The following LIMS2 variants were observed in gnomAD, a reference collection of about 807,000 sequenced individuals.
LIMS2 encodes LIM and senescent cell antigen-like-containing domain protein 2.
A neutral mutation model predicts 45.3 loss-of-function variants in LIMS2; 30 were observed. That is an observed-to-expected ratio of 0.66 (90% CI 0.50 to 0.90). LIMS2 has a LOEUF of 0.90. Among genes scored for constraint, LIMS2 ranks in the 40% least tolerant of loss-of-function variants. The pLI, the probability that LIMS2 is intolerant of heterozygous loss-of-function variation, is 0.00. For missense variants in LIMS2, 485 were observed against 468.7 expected (o/e 1.03, Z -0.32); for synonymous variants, 173 against 188.0 (o/e 0.92, Z 0.65).
chr2:127,658,392 AAAAT>A (rs1684400222), intron 1 of LIMS2, among the ~76,000 whole-genome samples: 2 of 152,218 alleles, frequency 1.3e-5, no homozygotes, highest in South Asian at 2.1e-4. Context: ...CTCAAAATAA[AAAAT>A]AAATAAAAAA....
At position 127,648,497 on chromosome 2, in the gene LIMS2, A is replaced by G. The variant is rs534662224; in HGVS notation, c.360-5425T>C. On this transcript the variant is annotated intron_variant, in intron 4 of 9. Transcript: ENST00000355119. Reference sequence around the variant, plus strand: ...CCACCACCATGCCTGCTTCTCCTCCATATGAGGATGGCTCCAGCCTCCTCC... The same window carrying G: ...CCACCACCATGCCTGCTTCTCCTCCGTATGAGGATGGCTCCAGCCTCCTCC... Among the ~76,000 whole-genome samples the G allele has an allele frequency of 2.4e-4, 37 of 152,130 alleles. No individual in the cohort carries two copies. In the South Asian group the frequency reaches 5.0e-3, roughly 20 times the overall value.
At chr2:127,659,198 A>C (rs1262602785) in intron 1 of LIMS2, among the ~76,000 whole-genome samples, 1 of 152,202 alleles carries the variant, frequency 6.6e-6, no homozygotes, top group Non-Finnish European at 1.5e-5. Flanking sequence ...CCCATGTGGC[A>C]GAGGCTGTCT....
chr2:127,651,358 C>T (rs755635107), intron 4 of LIMS2: 20 of 1,612,184 alleles, frequency 1.2e-5, no homozygotes, highest in Admixed American at 1.7e-5. Flanking sequence ...TTCATCACCA[C>T]GGTCACCTGC....
At chr2:127,650,705 G>A (rs1159283233) in intron 4 of LIMS2, 2 of 1,586,052 alleles carry the variant, frequency 1.3e-6, no homozygotes, top group African/African-American at 2.7e-5. Context: ...CTGTTTGCTT[G>A]TTCCCTCCAG....
At chr2:127,651,421 T>TCAAGAC in intron 4 of LIMS2, 1 of 1,612,930 alleles carries the variant, frequency 6.2e-7, no homozygotes, top group Non-Finnish European at 8.5e-7. Flanking sequence ...GAGAAGCGCC[T>TCAAGAC]CAAGACCAAG....
In LIMS2 at chr2:127,639,030, T is replaced by C; in HGVS notation, c.*251A>G. On this transcript the variant is annotated 3_prime_UTR_variant, in exon 10 of 10. Transcript: ENST00000355119. ...CGGAAGCTGTGGGCACAGGTGGACA[T>C]GGCTGTCAGACGTGGGGTCATAGGC... The C allele has an allele frequency of 2.0e-6, 1 of 509,920 alleles. No homozygotes were observed. Among genetic ancestry groups the C allele is most frequent in the Non-Finnish European group, 3.5e-6 (1 of 285,310 alleles). The allele number at this position is 509,920 out of a possible 1,614,324, so 31.6% of individuals were successfully genotyped here. A position where few individuals can be genotyped will look rare whatever the true frequency, so the allele number is the denominator to read the frequency against.
chr2:127,642,474 C>A lies in LIMS2; in HGVS notation c.510-275G>T. Reference sequence around the variant, plus strand: ...TCTGTTCTTGGGCCCCCCTCCTCCTCCAAACCAGAGGGGGTGTCTGGATAG... The same window carrying A: ...TCTGTTCTTGGGCCCCCCTCCTCCTACAAACCAGAGGGGGTGTCTGGATAG... On this transcript the variant is annotated intron_variant, in intron 5 of 9. Transcript: ENST00000355119. This position sits in a 1 kb window ranked among gnomAD's most constrained non-coding sequence, Gnocchi z 5.3. 1 of 411,514 alleles carries A rather than the reference C, an allele frequency of 2.4e-6. No homozygotes were observed. The highest frequency in any genetic ancestry group is 5.8e-5 in the South Asian group (1 of 17,332). The allele number at this position is 411,514 out of a possible 1,614,324, so 25.5% of individuals were successfully genotyped here.
At chr2:127,660,889 T>G (rs1684596917) in intron 1 of LIMS2, among the ~76,000 whole-genome samples, 1 of 117,698 alleles carries the variant, frequency 8.5e-6, no homozygotes, top group Non-Finnish European at 1.6e-5. Flanking sequence ...TTGCTGCCTG[T>G]GGCCGACAGT....
chr2:127,674,846 G>T (rs2105349606), intron 1 of LIMS2, 168 bp downstream of exon 1: 1 of 985,088 alleles, frequency 1.0e-6, no homozygotes, highest in South Asian at 4.7e-5. Flanking sequence ...GGGGCTGGGG[G>T]ACCCCTGCCC....
At position 127,666,380 on chromosome 2, in the gene LIMS2, T is replaced by TAAAC. The variant is rs1008243100; in HGVS notation, c.11+8630_11+8633dup. Among the ~76,000 whole-genome samples, 28 of 143,242 alleles carry TAAAC rather than the reference T, an allele frequency of 2.0e-4. No homozygotes were observed. The East Asian group carries it at 2.1e-3, about 11-fold the overall frequency. The allele number at this position is 143,242 out of a possible 152,430, so 94.0% of individuals were successfully genotyped here. A position where few individuals can be genotyped will look rare whatever the true frequency, so the allele number is the denominator to read the frequency against. The stretch of plus-strand genomic sequence containing the variant: ...GTCAAGAAAAACAGATGAATCTTGG[T>TAAAC]AAACAAACAAACAAACACAAACCAG... On this transcript the variant is annotated intron_variant, in intron 1 of 9. Transcript: ENST00000355119.
At position 127,639,282 on chromosome 2, in the gene LIMS2, C is replaced by T. The variant is rs754474123; in HGVS notation, c.1025G>A (p.Ter342=). The T allele has an allele frequency of 2.0e-5, 32 of 1,613,268 alleles. No individual in the cohort carries two copies. The South Asian group carries it at 3.5e-4, about 18-fold the overall frequency. The change falls in exon 10 of 10, where the codon TGA becomes TAA. Residue 342 remains the stop codon, a stop_retained_variant. Transcript: ENST00000355119. ...QPKATDLNSA[*] is the part of the protein sequence containing the mutation. The stretch of plus-strand genomic sequence containing the variant: ...AGAGGCAGCTGCGCAAGAGGGCCTT[C>T]AGGCAGAGTTGAGGTCTGTGGCCTT...
Position 127,664,530 on chromosome 2 carries a change from GCGAGCTCA to G in LIMS2, c.12-6976_12-6969del, listed in dbSNP as rs1684894229. 4 of 1,152,254 alleles carry G rather than the reference GCGAGCTCA, an allele frequency of 3.5e-6. No individual in the cohort carries two copies. The highest frequency in any genetic ancestry group is 4.3e-6 in the Non-Finnish European group (4 of 937,404). The allele number at this position is 1,152,254 out of a possible 1,614,324, so 71.4% of individuals were successfully genotyped here. On this transcript the variant is annotated intron_variant, in intron 1 of 9. Transcript: ENST00000355119. This position sits in a 1 kb window ranked among gnomAD's most constrained non-coding sequence, Gnocchi z 5.5. ...TGTGGGCGCCTCCCCCGCGCTGGTCGCGAGCTCACGTTACGCGCTGGGATCTCCAAAGG... is the reference window on the plus strand; with the variant it reads ...TGTGGGCGCCTCCCCCGCGCTGGTCGCGTTACGCGCTGGGATCTCCAAAGG...
At chr2:127,650,589 C>T (rs1357267700) in intron 4 of LIMS2, 19 of 673,178 alleles carry the variant, frequency 2.8e-5, no homozygotes, top group Middle Eastern at 2.7e-4. Context: ...TCAGCAGCCC[C>T]GTGGGCGGTG....
chr2:127,639,020 C>G lies in LIMS2; in HGVS notation c.*261G>C. 2.0e-6 allele frequency: 1 copy of G among 490,164 alleles called. No individual in the cohort carries two copies. Among genetic ancestry groups the G allele is most frequent in the Non-Finnish European group, 3.7e-6 (1 of 273,722 alleles). 30.4% of individuals were successfully genotyped at this position (490,164 alleles called of 1,614,324 possible). ...GGTCTGTGGGCGGAAGCTGTGGGCA[C>G]AGGTGGACATGGCTGTCAGACGTGG... On this transcript the variant is annotated 3_prime_UTR_variant, in exon 10 of 10. Transcript: ENST00000355119.
In LIMS2 at chr2:127,640,975, G is replaced by T; in HGVS notation, c.674C>A (p.Ala225Asp). ...KQWHVEHFVC[A>D]KCEKPFLGHR... Reference sequence around the variant, plus strand: ...CCCCAGGAATGGCTTCTCACACTTGGCACAGACAAAGTGCTGCAAGGACAA... The same window carrying T: ...CCCCAGGAATGGCTTCTCACACTTGTCACAGACAAAGTGCTGCAAGGACAA... The change falls in exon 7 of 10, where the codon GCC becomes GAC. Residue 225 changes from alanine to aspartate, a missense_variant. By Grantham distance (126) the Ala-to-Asp change is moderately radical (BLOSUM62 -2). Transcript: ENST00000355119. 6.2e-7 allele frequency: 1 copy of T among 1,613,812 alleles called. No homozygotes were observed. The highest frequency in any genetic ancestry group is 8.5e-7 in the Non-Finnish European group (1 of 1,179,896).
At chr2:127,656,993 G>C (rs548028544) in intron 2 of LIMS2, among the ~76,000 whole-genome samples, 1 of 152,278 alleles carries the variant, frequency 6.6e-6, no homozygotes, top group African/African-American at 2.4e-5. Flanking sequence ...CTCCCCTCAG[G>C]TGTGCCCAAA....
intron 1 of LIMS2, among the ~76,000 whole-genome samples, chr2:127,666,573 C>T (rs1685012225): frequency 6.6e-6 from 1 of 152,054 alleles, no homozygotes; most frequent in Non-Finnish European, 1.5e-5. Flanking sequence ...TGGAGAGATT[C>T]CTAGAAGGAC....
chr2:127,668,704 A>T, intron 1 of LIMS2, among the ~76,000 whole-genome samples: 1 of 132,220 alleles, frequency 7.6e-6, no homozygotes, highest in African/African-American at 3.1e-5. Context: ...AAAAAAAAAA[A>T]AAAAAAACAC....
At chr2:127,677,341 T>C (rs1685525394), upstream of LIMS2, among the ~76,000 whole-genome samples, 1 of 151,998 alleles carries the variant, frequency 6.6e-6, no homozygotes, top group African/African-American at 2.4e-5. The surrounding 1 kb of genome is among the most constrained non-coding windows in gnomAD (Gnocchi z 5.0). Context: ...AATAAATAAA[T>C]ACGCAAACTA....
Sources: gnomAD v4.1 joint callset for allele counts (sites outside exome capture counted in the v4.1 genomes callset) on GRCh38, gnomAD v4.1.1 for gene constraint, Gnocchi (gnomAD v3.1) non-coding constraint, MANE v1.5 for transcripts, NCBI Gene and HGNC (gene_info 2026-07-23, HGNC 2026-07-21) for gene names.